FLACC1: variants seen among roughly 807,000 people sequenced by gnomAD.
The protein encoded by FLACC1 is flagellum associated containing coiled-coil domains 1.
A neutral mutation model predicts 62.8 loss-of-function variants in FLACC1; 66 were observed. The ratio of observed to expected loss-of-function variants is 1.05; its 90% confidence interval spans 0.86 to 1.29. FLACC1 has a LOEUF of 1.29. Ranked by LOEUF, FLACC1 falls within the 50% of genes most tolerant of loss-of-function variation. The probability of loss-of-function intolerance (pLI) is 0.00; values close to 1 mark genes in which losing one functional copy is unlikely to be tolerated. For missense variants in FLACC1, 452 were observed against 489.1 expected (o/e 0.92, Z 0.71); for synonymous variants, 156 against 161.0 (o/e 0.97, Z 0.24).
intron 9 of FLACC1, among the ~76,000 whole-genome samples, chr2:201,328,889 C>T (rs1165858003): frequency 6.6e-6 from 1 of 151,940 alleles, no homozygotes; most frequent in Admixed American, 6.6e-5. Flanking sequence ...AATGGAATTT[C>T]TTCTTTTTCA....
At position 201,307,510 on chromosome 2, in the gene FLACC1, C is replaced by A. The variant is rs770319960; in HGVS notation, c.879+9G>T. On this transcript the variant is annotated intron_variant, in intron 11 of 14. Transcript: ENST00000392257. ...CATTCAATCACCAAGGTGCTTTGGGCTGAGTTACCTCCTTCTCTTGAATGA... is the reference window on the plus strand; with the variant it reads ...CATTCAATCACCAAGGTGCTTTGGGATGAGTTACCTCCTTCTCTTGAATGA... 2 of 1,610,918 alleles carry A rather than the reference C, an allele frequency of 1.2e-6. No homozygotes were observed. The highest frequency in any genetic ancestry group is 1.7e-6 in the Non-Finnish European group (2 of 1,177,124).
At chr2:201,356,252 C>T (rs192316913) in intron 1 of FLACC1, among the ~76,000 whole-genome samples, 47 of 152,278 alleles carry the variant, frequency 3.1e-4, no homozygotes, top group African/African-American at 1.1e-3. Flanking sequence ...CCTCTACCTC[C>T]GAGGTTCAAG....
chr2:201,289,087 T>C (rs1949663030), intron 14 of FLACC1, among the ~76,000 whole-genome samples: 1 of 152,228 alleles, frequency 6.6e-6, no homozygotes, highest in Non-Finnish European at 1.5e-5. Flanking sequence ...AAAGGTGATT[T>C]CCATAGGAAC....
At chr2:201,313,126 C>T (rs1373792663) in intron 9 of FLACC1, among the ~76,000 whole-genome samples, 2 of 152,186 alleles carry the variant, frequency 1.3e-5, no homozygotes, top group African/African-American at 4.8e-5. Flanking sequence ...GGGAGGACTG[C>T]CAGAGGAACT....
In FLACC1 at chr2:201,288,714, CAGTAAT is replaced by C; in HGVS notation, c.1204_1209del (p.Ile402_Thr403del). On this transcript the variant is annotated inframe_deletion, in exon 15 of 15. Transcript: ENST00000392257. The stretch of plus-strand genomic sequence containing the variant: ...ACAGTGTCAGAATCATCCTTAGAAA[CAGTAAT>C]AGAGGCCAATCTCCCAGAACATCCT... 1 of 1,614,016 alleles carries C rather than the reference CAGTAAT, an allele frequency of 6.2e-7. No individual in the cohort carries two copies. The highest frequency in any genetic ancestry group is 8.5e-7 in the Non-Finnish European group (1 of 1,179,982).
intron 9 of FLACC1, among the ~76,000 whole-genome samples, chr2:201,325,087 T>C (rs949950187): frequency 2.0e-5 from 3 of 152,140 alleles, no homozygotes; most frequent in Non-Finnish European, 4.4e-5. Flanking sequence ...TGAGCCAAGA[T>C]AGTGCCACCG....
chr2:201,311,880 C>T (rs546144442), intron 9 of FLACC1, among the ~76,000 whole-genome samples: 5 of 152,102 alleles, frequency 3.3e-5, no homozygotes, highest in Non-Finnish European at 7.4e-5. Context: ...ATCCAACATC[C>T]CTTCATGATA....
intron 7 of FLACC1, among the ~76,000 whole-genome samples, chr2:201,334,757 T>C (rs1246686228): frequency 1.4e-5 from 2 of 145,350 alleles, no homozygotes; most frequent in East Asian, 4.0e-4. Flanking sequence ...CACTCCAGCC[T>C]GGGCAACAAG....
At chr2:201,332,357 T>A (rs1950611972) in intron 7 of FLACC1, among the ~76,000 whole-genome samples, 1 of 152,034 alleles carries the variant, frequency 6.6e-6, no homozygotes, top group African/African-American at 2.4e-5. Context: ...CAAGCGATTC[T>A]CTCACCTCAG....
intron 7 of FLACC1, among the ~76,000 whole-genome samples, chr2:201,341,477 C>CTA (rs1323407376): frequency 6.7e-6 from 1 of 148,562 alleles, no homozygotes; most frequent in Non-Finnish European, 1.5e-5. Flanking sequence ...ATAATTTTTA[C>CTA]TATATATATA....
chr2:201,340,192 C>A (rs895335934), intron 7 of FLACC1, among the ~76,000 whole-genome samples: 1 of 152,154 alleles, frequency 6.6e-6, no homozygotes, highest in African/African-American at 2.4e-5. Context: ...TCCATTCACG[C>A]ATTCTATTTT....
rs113251662 is a variant in FLACC1 at position 201,346,922 on chromosome 2, C to G, written c.235-247G>C. On this transcript the variant is annotated intron_variant, in intron 4 of 14. Coordinates refer to ENST00000392257, the MANE Select transcript of FLACC1 (RefSeq NM_001127391.3). This position sits in a 1 kb window ranked among gnomAD's most constrained non-coding sequence, Gnocchi z 4.0. ...CTGCGCCAAACCAAGCCACTGATGC[C>G]CCTGCCCCCGACTTGTGTTCACCCT... Among the ~76,000 whole-genome samples, 8 of 152,290 alleles carry G rather than the reference C, an allele frequency of 5.3e-5. No individual in the cohort carries two copies. Among genetic ancestry groups the G allele is most frequent in the African/African-American group, 1.4e-4 (6 of 41,568 alleles).
At chr2:201,290,100 A>G (rs1166233359) in intron 12 of FLACC1, among the ~76,000 whole-genome samples, 4 of 152,218 alleles carry the variant, frequency 2.6e-5, no homozygotes, top group Non-Finnish European at 4.4e-5. Context: ...GAGAGAGAAA[A>G]AAGATTAGTG....
At chr2:201,337,394 G>T (rs1950716263) in intron 7 of FLACC1, among the ~76,000 whole-genome samples, 1 of 152,178 alleles carries the variant, frequency 6.6e-6, no homozygotes, top group Non-Finnish European at 1.5e-5. Flanking sequence ...TGAAGAGGGT[G>T]CCCTGTTCCC....
chr2:201,312,703 C>G (rs903260291), intron 9 of FLACC1, among the ~76,000 whole-genome samples: 1 of 151,740 alleles, frequency 6.6e-6, no homozygotes, highest in African/African-American at 2.4e-5. Context: ...AGATGGTGGA[C>G]GGGAAGCAGG....
Position 201,340,323 on chromosome 2 carries a change from TCTC to T in FLACC1, c.524+2044_524+2046del, listed in dbSNP as rs1318320823. Among the ~76,000 whole-genome samples the T allele has an allele frequency of 3.3e-5, 5 of 152,354 alleles. No homozygotes were observed. In the East Asian group the frequency reaches 9.6e-4, roughly 29 times the overall value. On this transcript the variant is annotated intron_variant, in intron 7 of 14. Transcript: ENST00000392257. ...TGTAGATTCTTTCTTCCTCTCTTGG[TCTC>T]TTCTTTTGTGGTTTGATGTTTTTTG...
In FLACC1 at chr2:201,346,770, A is replaced by G; in HGVS notation, c.235-95T>C. ...ATTGCCTCACTCACATCTTAAAAAC[A>G]GGGACCTGGGACTCCACAGCCCAAG... is the stretch of plus-strand genomic sequence containing the variant. On this transcript the variant is annotated intron_variant, in intron 4 of 14. Coordinates refer to ENST00000392257, the MANE Select transcript of FLACC1 (RefSeq NM_001127391.3). This position sits in a 1 kb window ranked among gnomAD's most constrained non-coding sequence, Gnocchi z 4.0. 6.6e-7 allele frequency: 1 copy of G among 1,523,718 alleles called. No homozygotes were observed. Among genetic ancestry groups the G allele is most frequent in the Non-Finnish European group, 8.9e-7 (1 of 1,118,562 alleles). The allele number at this position is 1,523,718 out of a possible 1,614,324, so 94.4% of individuals were successfully genotyped here.
chr2:201,314,423 G>A (rs1336143741), intron 9 of FLACC1, among the ~76,000 whole-genome samples: 4 of 152,262 alleles, frequency 2.6e-5, no homozygotes, highest in East Asian at 1.9e-4. Flanking sequence ...ATAGAATTGA[G>A]CAAGCACAAG....
the FLACC1 span, among the ~76,000 whole-genome samples, chr2:201,363,847 A>G: frequency 2.0e-5 from 3 of 152,190 alleles, no homozygotes; most frequent in South Asian, 6.2e-4. Context: ...CTTGGGGTCG[A>G]GGAAATTTCC....
Sources: allele counts gnomAD v4.1 joint callset (sites outside exome capture counted in the v4.1 genomes callset), GRCh38; gene constraint gnomAD v4.1.1; non-coding constraint Gnocchi (gnomAD v3.1); transcripts MANE v1.5; gene names NCBI Gene and HGNC (gene_info 2026-07-23, HGNC 2026-07-21).